Variants in WDR36 observed in about 807,000 individuals in gnomAD.
WDR36 encodes the protein WD repeat domain 36.
WDR36 carries 63 observed loss-of-function variants against 112.7 expected under a neutral mutation model. That is an observed-to-expected ratio of 0.56 (90% CI 0.46 to 0.69). WDR36 has a LOEUF of 0.69. Ranked by LOEUF, WDR36 falls within the 30% of genes least tolerant of loss-of-function variation. The probability of loss-of-function intolerance (pLI) is 0.00; values close to 1 mark genes in which losing one functional copy is unlikely to be tolerated. For synonymous variants in WDR36, 410 were observed against 362.2 expected, an observed-to-expected ratio of 1.13 and a Z score of -1.50; for missense variants, 1,226 against 1,070.3, an observed-to-expected ratio of 1.15 and a Z score of -2.03.
rs545401081 is a variant in WDR36, at chr5:111,102,960, T to C, written c.597+561T>C. ...TACCCTTATCTTTTTCAGTATCCAT[T>C]GTCTATACTTGCCCAATTTATATGT... is the stretch of plus-strand genomic sequence containing the variant. On this transcript the variant is annotated intron_variant, in intron 6 of 22. Transcript: ENST00000513710. Among the ~76,000 whole-genome samples the C allele has an allele frequency of 2.6e-5, 4 of 151,808 alleles. No homozygotes were observed. In the East Asian group the frequency reaches 7.8e-4, roughly 29 times the overall value.
At chr5:111,107,938 T>A (rs1753251917) in intron 12 of WDR36, among the ~76,000 whole-genome samples, 1 of 151,374 alleles carries the variant, frequency 6.6e-6, no homozygotes, top group South Asian at 2.1e-4. Context: ...AGGTTTTTTG[T>A]TCTTTTTTCA....
intron 4 of WDR36, 106 bp from the exon 5 acceptor site, chr5:111,100,483 A>C (rs775130648): frequency 1.4e-6 from 1 of 740,076 alleles, no homozygotes; most frequent in Non-Finnish European, 2.1e-6. Context: ...TTATTTTAAC[A>C]TATAAATCTT....
chr5:111,104,707 T>C lies in WDR36; in HGVS notation c.917T>C (p.Phe306Ser), dbSNP rs769643194. Reference sequence around the variant, plus strand: ...TTTATTTCTTGGCAGATATGGATATTTGATGGTCCTACAGGTGAAGGCCGA... The same window carrying C: ...TTTATTTCTTGGCAGATATGGATATCTGATGGTCCTACAGGTGAAGGCCGA... ...GADNALRIWIFDGPTGEGRLL... is the reference protein window; with the variant it reads ...GADNALRIWISDGPTGEGRLL... Residue 306 changes from phenylalanine to serine, a missense_variant, in exon 9 of 23, where the codon TTT becomes TCT. Physicochemically the swap from Phe to Ser is radical, Grantham distance 155. Transcript: ENST00000513710. 1 of 1,611,020 alleles carries C rather than the reference T, an allele frequency of 6.2e-7. No homozygotes were observed. Among genetic ancestry groups the C allele is most frequent in the Non-Finnish European group, 8.5e-7 (1 of 1,177,804 alleles).
Position 111,103,880 on chromosome 5 carries a change from A to C in WDR36, c.692A>C (p.Gln231Pro), listed in dbSNP as rs1174316344. The change falls in exon 7 of 23, where the codon CAA becomes CCA. Residue 231 changes from glutamine to proline, a missense_variant. Coordinates refer to ENST00000513710, the MANE Select transcript of WDR36 (RefSeq NM_139281.3). ...AATGAAACATTAATGAAGTTTCGTC[A>C]AGACTGGGGACCCATTACTTCAATT... ...KFNETLMKFRQDWGPITSISF... is the reference protein window; with the variant it reads ...KFNETLMKFRPDWGPITSISF... 1 of 1,611,210 alleles carries C rather than the reference A, an allele frequency of 6.2e-7. No homozygotes were observed. Among genetic ancestry groups the C allele is most frequent in the Non-Finnish European group, 8.5e-7 (1 of 1,178,264 alleles).
chr5:111,094,943 A>C lies in WDR36; in HGVS notation c.186A>C (p.Ala62=), dbSNP rs777455411. 6.2e-7 allele frequency: 1 copy of C among 1,606,576 alleles called. No individual in the cohort carries two copies. Among genetic ancestry groups the C allele is most frequent in the Non-Finnish European group, 8.5e-7 (1 of 1,175,366 alleles). Residue 62 remains alanine (A), a synonymous_variant, in exon 2 of 23, where the codon GCA becomes GCC. Transcript: ENST00000513710. ...AGGTTCAGAAACTTAGTCTGGTTGC[A>C]GTAAGTAAGTATGGACTTTATTCTG... ...TYDVQKLSLV[A]VSNSVPQDIC... is the part of the protein sequence containing the mutation.
At chr5:111,119,679 T>C (rs757680856) in intron 17 of WDR36, among the ~76,000 whole-genome samples, 4 of 152,172 alleles carry the variant, frequency 2.6e-5, no homozygotes, top group Admixed American at 2.0e-4. Context: ...TTCCTAACTT[T>C]ATATCTGTAT....
intron 10 of WDR36, 143 bp from the exon 11 acceptor site, chr5:111,105,914 G>A: frequency 1.5e-6 from 1 of 655,996 alleles, no homozygotes; most frequent in Non-Finnish European, 2.7e-6. Flanking sequence ...AATAACAGTG[G>A]TAATAACATC....
chr5:111,120,685 C>A (rs1458765755), intron 18 of WDR36, 92 bp downstream of exon 18: 3 of 1,045,058 alleles, frequency 2.9e-6, no homozygotes, highest in Non-Finnish European at 4.5e-6. Flanking sequence ...TTAGTGCATT[C>A]AATCAAAGTG....
chr5:111,104,063 A>G, intron 7 of WDR36, 114 bp from the exon 8 acceptor site: 6 of 1,375,568 alleles, frequency 4.4e-6, no homozygotes, highest in Middle Eastern at 2.4e-4. Flanking sequence ...TGAATAGATT[A>G]TTGGTATATA....
rs1753191551 is a variant in WDR36, at chr5:111,104,780, A to G, written c.990A>G (p.Arg330=). The change falls in exon 9 of 23, where the codon AGA becomes AGG. Residue 330 remains arginine (R), a synonymous_variant. Coordinates refer to ENST00000513710, the MANE Select transcript of WDR36 (RefSeq NM_139281.3). ...ATAGTGCTCCTCTTACCAATATCAG[A>G]TATTATGGACAGAATGGACAGCAGA... ...MGHSAPLTNI[R]YYGQNGQQIL... The G allele has an allele frequency of 6.2e-7, 1 of 1,611,256 alleles. No homozygotes were observed. The highest frequency in any genetic ancestry group is 1.3e-5 in the African/African-American group (1 of 74,860).
At chr5:111,105,203 A>G (rs1460505159) in intron 9 of WDR36, 92 bp from the exon 10 acceptor site, 35 of 1,367,078 alleles carry the variant, frequency 2.6e-5, no homozygotes, top group Non-Finnish European at 3.2e-5. Context: ...TGTAACTTCA[A>G]GATTTTCAAA....
chr5:111,098,440 T>G (rs1389371582), intron 3 of WDR36, among the ~76,000 whole-genome samples: 2 of 152,196 alleles, frequency 1.3e-5, no homozygotes, highest in East Asian at 3.9e-4. Context: ...TGTGTGTGCA[T>G]GCCTCCTCTC....
At chr5:111,122,066 G>A (rs527878574) in intron 19 of WDR36, among the ~76,000 whole-genome samples, 1 of 152,334 alleles carries the variant, frequency 6.6e-6, no homozygotes, top group South Asian at 2.1e-4. Flanking sequence ...CCTCACAGAA[G>A]TTAAAATTGC....
Position 111,100,672 on chromosome 5 carries a change from C to T in WDR36, c.493C>T (p.Leu165Phe). 1 of 1,609,014 alleles carries T rather than the reference C, an allele frequency of 6.2e-7. No individual in the cohort carries two copies. The highest frequency in any genetic ancestry group is 2.2e-5 in the East Asian group (1 of 44,638). ...TCCAAGTACCTACTTGAATAAAATA[C>T]TTCTGGGCAGTGAACAAGGAAGCCT... ...LHPSTYLNKI[L>F]LGSEQGSLQL... The change falls in exon 5 of 23, where the codon CTT becomes TTT. Residue 165 changes from leucine to phenylalanine, a missense_variant. Transcript: ENST00000513710.
rs1215165074 is a variant in WDR36, at chr5:111,125,591, A to G, written c.2351-17A>G. The G allele has an allele frequency of 6.2e-7, 1 of 1,609,564 alleles. No individual in the cohort carries two copies. The highest frequency in any genetic ancestry group is 1.3e-5 in the African/African-American group (1 of 74,730). ...ATGATTATAATCAAGTCATAACTGGATTAAAATTTAATGCAGATGACACTG... is the reference window on the plus strand; with the variant it reads ...ATGATTATAATCAAGTCATAACTGGGTTAAAATTTAATGCAGATGACACTG... On this transcript the variant is annotated splice_polypyrimidine_tract_variant and intron_variant, in intron 21 of 22. Coordinates refer to ENST00000513710, the MANE Select transcript of WDR36 (RefSeq NM_139281.3).
chr5:111,092,875 T>G (rs1752897223), intron 1 of WDR36, among the ~76,000 whole-genome samples: 4 of 152,264 alleles, frequency 2.6e-5, no homozygotes, highest in African/African-American at 4.8e-5. Context: ...GGCAGTAATA[T>G]TTGTTCAGTG....
chr5:111,114,384 CT>C (rs1374588083), intron 16 of WDR36, among the ~76,000 whole-genome samples: 12 of 152,136 alleles, frequency 7.9e-5, no homozygotes, highest in Admixed American at 5.9e-4. Context: ...CTTCCTCTTC[CT>C]ACTCAGGAAT....
At chr5:111,126,587 G>T in intron 22 of WDR36, 147 bp from the exon 23 acceptor site, 1 of 869,856 alleles carries the variant, frequency 1.1e-6, no homozygotes, top group Non-Finnish European at 1.8e-6. Flanking sequence ...ATAGAGGAGG[G>T]GAAAATGGGA....
chr5:111,092,881 C>T (rs1752897308), intron 1 of WDR36, among the ~76,000 whole-genome samples: 2 of 152,242 alleles, frequency 1.3e-5, no homozygotes, highest in Admixed American at 6.5e-5. Context: ...AATATTTGTT[C>T]AGTGAATATT....
Sources: gnomAD v4.1 joint callset for allele counts (sites outside exome capture counted in the v4.1 genomes callset) on GRCh38, gnomAD v4.1.1 for gene constraint, MANE v1.5 for transcripts, NCBI Gene and HGNC (gene_info 2026-07-23, HGNC 2026-07-21) for gene names.